The following ITPR2 variants were observed in gnomAD, a reference collection of about 807,000 sequenced individuals.
The protein encoded by ITPR2 is inositol 1,4,5-trisphosphate-gated calcium channel ITPR2.
In ITPR2, 207 loss-of-function variants were observed where a neutral mutation model predicts 317.1. That is an observed-to-expected ratio of 0.65 (90% confidence interval 0.58 to 0.73). The LOEUF is 0.73. ITPR2 is among the 30% of genes least tolerant of loss of function. The pLI is 0.00. For missense variants in ITPR2, 2,613 were observed against 3,284.0 expected, an observed-to-expected ratio of 0.80 and a Z score of 4.99; for synonymous variants, 1,156 against 1,149.1, an observed-to-expected ratio of 1.01 and a Z score of -0.12.
intron 55 of ITPR2, among the ~76,000 whole-genome samples, chr12:26,368,930 G>T (rs914464700): frequency 2.0e-5 from 3 of 152,190 alleles, no homozygotes; most frequent in Admixed American, 2.0e-4. Flanking sequence ...AGGGTAAGAG[G>T]ATAAAGAATG....
At chr12:26,605,012 T>G (rs1222692214) in intron 26 of ITPR2, among the ~76,000 whole-genome samples, 1 of 149,576 alleles carries the variant, frequency 6.7e-6, no homozygotes, top group Admixed American at 6.7e-5. Flanking sequence ...CGCTTGAACC[T>G]GAGAGGCGGA....
At chr12:26,804,901 A>C (rs1439835503) in intron 1 of ITPR2, among the ~76,000 whole-genome samples, 1 of 151,856 alleles carries the variant, frequency 6.6e-6, no homozygotes, top group Non-Finnish European at 1.5e-5. Context: ...CACCTGGCTA[A>C]TTTTTGTATT....
intron 54 of ITPR2, among the ~76,000 whole-genome samples, chr12:26,392,068 A>G (rs978328954): frequency 2.0e-5 from 3 of 152,108 alleles, no homozygotes; most frequent in Non-Finnish European, 4.4e-5. Context: ...TTCATCATCC[A>G]TTCTCACGGT....
intron 13 of ITPR2, among the ~76,000 whole-genome samples, chr12:26,679,465 C>T (rs1243367649): frequency 6.6e-6 from 1 of 152,028 alleles, no homozygotes; most frequent in Non-Finnish European, 1.5e-5. Context: ...GAAATGGGAC[C>T]CTGCAGGAGC....
At chr12:26,600,167 G>A (rs985411067) in intron 28 of ITPR2, 58 bp from the exon 29 acceptor site, 80 of 1,470,136 alleles carry the variant, frequency 5.4e-5, no homozygotes, top group Non-Finnish European at 6.7e-5. Flanking sequence ...CAAATGTTAT[G>A]CAAAAATCTC....
intron 45 of ITPR2, among the ~76,000 whole-genome samples, chr12:26,455,711 T>A (rs1941865248): frequency 6.6e-6 from 1 of 152,148 alleles, no homozygotes; most frequent in South Asian, 2.1e-4. Flanking sequence ...GAAAAACTCA[T>A]TTGGAAAAAC....
intron 11 of ITPR2, among the ~76,000 whole-genome samples, chr12:26,685,950 A>G (rs903948268): frequency 2.0e-5 from 3 of 152,116 alleles, no homozygotes; most frequent in Admixed American, 2.0e-4. Context: ...CACTTTTATT[A>G]CCTGACCTTA....
In ITPR2 at chr12:26,831,671, T is replaced by C. The variant is rs1951103246; in HGVS notation, c.92+1019A>G. Among the ~76,000 whole-genome samples the C allele has an allele frequency of 7.1e-6, 1 of 140,158 alleles. No homozygotes were observed. Among genetic ancestry groups the C allele is most frequent in the Non-Finnish European group, 1.6e-5 (1 of 63,974 alleles). 91.9% of individuals were successfully genotyped at this position (140,158 alleles called of 152,430 possible). A position where few individuals can be genotyped will look rare whatever the true frequency, so the allele number is the denominator to read the frequency against. ...TATTTAACCATTTGGCACACTGTTT[T>C]ATATATAAATATATATATATATTCT... is the stretch of plus-strand genomic sequence containing the variant. On this transcript the variant is annotated intron_variant, in intron 1 of 56. Transcript: ENST00000381340. This position sits in a 1 kb window ranked among gnomAD's most constrained non-coding sequence, Gnocchi z 4.9.
intron 1 of ITPR2, among the ~76,000 whole-genome samples, chr12:26,828,585 G>T: frequency 6.6e-6 from 1 of 152,136 alleles, no homozygotes; most frequent in South Asian, 2.1e-4. Context: ...AAAAGCATCA[G>T]ATGTTATATT....
intron 55 of ITPR2, among the ~76,000 whole-genome samples, chr12:26,372,205 T>C (rs1591970811): frequency 6.6e-6 from 1 of 152,198 alleles, no homozygotes; most frequent in African/African-American, 2.4e-5. Flanking sequence ...TTATTTCTCA[T>C]TAGGCCCAAG....
chr12:26,543,540 G>A lies in ITPR2; in HGVS notation c.5073+6707C>T, dbSNP rs186749744. On this transcript the variant is annotated intron_variant, in intron 37 of 56. Coordinates refer to ENST00000381340, the MANE Select transcript of ITPR2 (RefSeq NM_002223.4). ...GTAGCTCACAGCACTTTGGGAGGCT[G>A]AAGCAGGTGGATTGCTTGAGGTCAG... Among the ~76,000 whole-genome samples, 650 of 152,300 alleles carry A rather than the reference G, an allele frequency of 4.3e-3. 7 individuals are homozygous for A. The highest frequency in any genetic ancestry group is 0.015 in the African/African-American group (625 of 41,574).
chr12:26,596,820 C>T, intron 31 of ITPR2, 63 bp downstream of exon 31: 4 of 1,398,410 alleles, frequency 2.9e-6, no homozygotes, highest in Non-Finnish European at 3.8e-6. Context: ...CTTCTGGCAC[C>T]TAGATAAACT....
chr12:26,560,228 G>A (rs1380902857), intron 35 of ITPR2, among the ~76,000 whole-genome samples: 1 of 151,930 alleles, frequency 6.6e-6, no homozygotes, highest in Non-Finnish European at 1.5e-5. Context: ...CCTCCTTTCT[G>A]ACCCACTTTT....
chr12:26,347,205 T>C (rs1938338719), intron 55 of ITPR2, among the ~76,000 whole-genome samples: 1 of 152,144 alleles, frequency 6.6e-6, no homozygotes, highest in Non-Finnish European at 1.5e-5. Context: ...CTCAAGAAAA[T>C]ATAAAGAATG....
intron 22 of ITPR2, among the ~76,000 whole-genome samples, chr12:26,629,693 T>C (rs1364929020): frequency 6.6e-6 from 1 of 151,946 alleles, no homozygotes; most frequent in East Asian, 1.9e-4. Context: ...CCTCCCTCCC[T>C]CCCTTTCTCT....
chr12:26,425,439 C>T (rs1477419779), intron 49 of ITPR2, among the ~76,000 whole-genome samples: 1 of 151,282 alleles, frequency 6.6e-6, no homozygotes, highest in South Asian at 2.1e-4. Context: ...GAGGCCAAGG[C>T]GGGTGGATCA....
At chr12:26,468,584 A>G (rs1429488982) in intron 45 of ITPR2, among the ~76,000 whole-genome samples, 1 of 148,632 alleles carries the variant, frequency 6.7e-6, no homozygotes, top group East Asian at 2.0e-4. Context: ...AAAAAAAAAG[A>G]TAATTGCATC....
chr12:26,711,906 T>G (rs1239122631), intron 8 of ITPR2, among the ~76,000 whole-genome samples: 1 of 152,218 alleles, frequency 6.6e-6, no homozygotes, highest in Admixed American at 6.5e-5. Context: ...CTAAACTACT[T>G]AATTCTTAGC....
chr12:26,482,117 G>A (rs147088201), intron 42 of ITPR2, among the ~76,000 whole-genome samples: 6 of 152,266 alleles, frequency 3.9e-5, no homozygotes, highest in Non-Finnish European at 8.8e-5. Flanking sequence ...TTTTCAGCAT[G>A]GGCCTTATTT....
Sources: gnomAD v4.1 joint callset for allele counts (sites outside exome capture counted in the v4.1 genomes callset) on GRCh38, gnomAD v4.1.1 for gene constraint, Gnocchi (gnomAD v3.1) non-coding constraint, MANE v1.5 for transcripts, NCBI Gene and HGNC (gene_info 2026-07-23, HGNC 2026-07-21) for gene names.